The following GSS variants were observed in gnomAD, a reference collection of about 807,000 sequenced individuals.
The protein encoded by GSS is GSH synthetase.
GSS carries 34 observed loss-of-function variants against 60.4 expected under a neutral mutation model. The ratio of observed to expected loss-of-function variants is 0.56; its 90% CI spans 0.43 to 0.75. The LOEUF is 0.75. GSS is among the 30% of genes least tolerant of loss of function. The pLI is 0.00. For synonymous variants in GSS, 224 were observed against 239.0 expected, an observed-to-expected ratio of 0.94 and a Z score of 0.58; for missense variants, 499 against 595.1, an observed-to-expected ratio of 0.84 and a Z score of 1.68.
At chr20:34,950,727 C>T (rs1030126791) in intron 2 of GSS, among the ~76,000 whole-genome samples, 1 of 152,082 alleles carries the variant, frequency 6.6e-6, no homozygotes, top group African/African-American at 2.4e-5. Context: ...CAAGATTGTG[C>T]CACTACACTC....
At chr20:34,940,525 G>A (rs2081474463) in intron 6 of GSS, among the ~76,000 whole-genome samples, 1 of 152,114 alleles carries the variant, frequency 6.6e-6, no homozygotes. Flanking sequence ...TTTGGGATCT[G>A]CCACCAACTC....
Position 34,951,715 on chromosome 20 carries a change from G to A in GSS, c.129+9C>T. On this transcript the variant is annotated intron_variant, in intron 2 of 12. Transcript: ENST00000651619. ...TGGTGAATGCTGTGGGGAGGAGCTA[G>A]GGGCTTACCTCCGAGGAAGTGGGCT... 1 of 1,600,078 alleles carries A rather than the reference G, an allele frequency of 6.2e-7. No individual in the cohort carries two copies.
intron 2 of GSS, 23 bp downstream of exon 2, chr20:34,951,701 G>A: frequency 6.3e-7 from 1 of 1,591,754 alleles, no homozygotes; most frequent in South Asian, 1.1e-5. Context: ...GGTGAATGCT[G>A]TGGGGAGGAG....
At chr20:34,931,884 G>T in intron 10 of GSS, 55 bp downstream of exon 10, 1 of 1,498,348 alleles carries the variant, frequency 6.7e-7, no homozygotes, top group Non-Finnish European at 9.3e-7. Flanking sequence ...ACATTGGGCT[G>T]TAGGTCTCTG....
chr20:34,931,044 A>T (rs1474690245), intron 11 of GSS, among the ~76,000 whole-genome samples: 1 of 152,154 alleles, frequency 6.6e-6, no homozygotes, highest in Admixed American at 6.5e-5. Flanking sequence ...AGGAAAACAG[A>T]CATGTATTCT....
At chr20:34,932,322 G>A (rs2081408637) in intron 9 of GSS, among the ~76,000 whole-genome samples, 189 bp from the exon 10 acceptor site, 1 of 152,170 alleles carries the variant, frequency 6.6e-6, no homozygotes, top group Non-Finnish European at 1.5e-5. Context: ...GCCAGACTGT[G>A]AGCCCCTGCA....
chr20:34,943,314 AG>A (rs1310868529), intron 3 of GSS, among the ~76,000 whole-genome samples: 1 of 152,232 alleles, frequency 6.6e-6, no homozygotes, highest in Non-Finnish European at 1.5e-5. Flanking sequence ...AAAGCCAATA[AG>A]ATATTACATT....
chr20:34,931,419 T>C lies in GSS; in HGVS notation c.1030-2A>G, dbSNP rs2147122013. 1.2e-6 allele frequency: 2 copies of C among 1,613,620 alleles called. No individual in the cohort carries two copies. The highest frequency in any genetic ancestry group is 4.5e-5 in the East Asian group (2 of 44,868). On this transcript the variant is annotated splice_acceptor_variant, in intron 10 of 12. Transcript: ENST00000651619. LOFTEE classifies it high-confidence loss of function. ...GATGGCCTGGTCCCCTTCTTCACCC[T>C]GGCAGGAGGCAGAAAGCAGTTATCA...
chr20:34,942,014 G>A (rs1399831732), intron 5 of GSS, among the ~76,000 whole-genome samples, 185 bp from the exon 6 acceptor site: 1 of 152,106 alleles, frequency 6.6e-6, no homozygotes, highest in Admixed American at 6.6e-5. Flanking sequence ...CTTGGCCCCT[G>A]GTGTATATGC....
Position 34,932,025 on chromosome 20 carries a change from C to T in GSS, c.943G>A (p.Gly315Ser), listed in dbSNP as rs2081405766. 6.2e-7 allele frequency: 1 copy of T among 1,614,232 alleles called. No individual in the cohort carries two copies. The highest frequency in any genetic ancestry group is 8.5e-7 in the Non-Finnish European group (1 of 1,180,028). Residue 315 changes from glycine to serine, a missense_variant, in exon 10 of 13, where the codon GGC becomes AGC. Coordinates refer to ENST00000651619, the MANE Select transcript of GSS (RefSeq NM_000178.4). ...CCAGGGAGCAACATCTCCAGCATGCCCGGCCTGCTTAGCTCCTGCTGCACC... is the reference window on the plus strand; with the variant it reads ...CCAGGGAGCAACATCTCCAGCATGCTCGGCCTGCTTAGCTCCTGCTGCACC... ...KKVQQELSRP[G>S]MLEMLLPGQP...
chr20:34,945,269 C>A (rs1451580327), intron 3 of GSS, among the ~76,000 whole-genome samples: 1 of 151,746 alleles, frequency 6.6e-6, no homozygotes, highest in Non-Finnish European at 1.5e-5. Flanking sequence ...GTGATCCACC[C>A]ACCTCGGCCT....
intron 6 of GSS, among the ~76,000 whole-genome samples, chr20:34,938,168 A>AT (rs1185497633): frequency 1.3e-5 from 2 of 151,910 alleles, no homozygotes; most frequent in African/African-American, 4.8e-5. Context: ...TCCAAACTCC[A>AT]TTTTTGCTGT....
chr20:34,936,790 G>C lies in GSS; in HGVS notation c.740C>G (p.Ser247Cys). 1.2e-6 allele frequency: 2 copies of C among 1,613,994 alleles called. No individual in the cohort carries two copies. The highest frequency in any genetic ancestry group is 2.2e-5 in the South Asian group (2 of 91,080). Residue 247 changes from serine to cysteine, a missense_variant, in exon 8 of 13, where the codon TCT becomes TGT. Physicochemically the swap from Ser to Cys is moderately radical, Grantham distance 112. Coordinates refer to ENST00000651619, the MANE Select transcript of GSS (RefSeq NM_000178.4). ...AAACAGCCTTCGGTCTTGGTCCAGA[G>C]ACCCCTTTTCAGAGATATCTTCAAA... ...RTFEDISEKG[S>C]LDQDRRLFVD...
At chr20:34,947,816 A>T (rs1037963955) in intron 2 of GSS, among the ~76,000 whole-genome samples, 2 of 152,158 alleles carry the variant, frequency 1.3e-5, no homozygotes. Flanking sequence ...GTATCCTAGA[A>T]TATACATTCT....
chr20:34,955,581 A>G (rs977436303), intron 1 of GSS, 146 bp downstream of exon 1: 5 of 152,312 alleles, frequency 3.3e-5, no homozygotes, highest in Non-Finnish European at 7.3e-5. Context: ...CCCTCACTAG[A>G]CACTAGTTGC....
chr20:34,942,838 T>A (rs1206538348), intron 4 of GSS, 93 bp downstream of exon 4: 7 of 997,854 alleles, frequency 7.0e-6, no homozygotes, highest in Middle Eastern at 2.1e-4. Context: ...TCCCATGAGC[T>A]GAGGGCCTGG....
In GSS at chr20:34,941,728, A is replaced by G; in HGVS notation, c.593T>C (p.Leu198Pro). 1.3e-6 allele frequency: 2 copies of G among 1,596,588 alleles called. No individual in the cohort carries two copies. Among genetic ancestry groups the G allele is most frequent in the Non-Finnish European group, 1.7e-6 (2 of 1,164,968 alleles). The change falls in exon 6 of 13, where the codon CTC becomes CCC. Residue 198 changes from leucine (L) to proline (P), a missense_variant. Leu to Pro is a moderately conservative substitution (Grantham distance 98). Coordinates refer to ENST00000651619, the MANE Select transcript of GSS (RefSeq NM_000178.4). The part of the protein sequence containing the change: ...LALGIAKAWE[L>P]YGSPNALVLL... ...ACACCCTTACTTGGGTGAGCCGTAG[A>G]GCTCCCAGGCTTTGGCAATTCCCAG... is the stretch of plus-strand genomic sequence containing the variant.
At chr20:34,949,880 C>G (rs941443063) in intron 2 of GSS, 3 of 152,138 alleles carry the variant, frequency 2.0e-5, no homozygotes, top group Non-Finnish European at 4.4e-5. Flanking sequence ...GGTATGTTCT[C>G]TAACTAGACC....
At chr20:34,952,408 G>A (rs1040283800) in intron 1 of GSS, 1 of 163,480 alleles carries the variant, frequency 6.1e-6, no homozygotes, top group East Asian at 1.7e-4. Context: ...GATGCAAGAG[G>A]CCTGATGGGA....
Sources: allele counts gnomAD v4.1 joint callset (sites outside exome capture counted in the v4.1 genomes callset), GRCh38; gene constraint gnomAD v4.1.1; transcripts MANE v1.5; gene names NCBI Gene and HGNC (gene_info 2026-07-23, HGNC 2026-07-21).